The following PDSS2 variants were observed in gnomAD, a reference collection of about 807,000 sequenced individuals.
PDSS2 encodes all trans-polyprenyl-diphosphate synthase PDSS2.
Under a neutral mutation model 44.5 loss-of-function variants are expected in PDSS2, and 31 were observed. That is an observed-to-expected ratio of 0.70 (90% CI 0.52 to 0.94). The LOEUF (loss-of-function observed/expected upper bound fraction) is 0.94, where lower values mean the gene tolerates loss of function less well. PDSS2 is among the 40% of genes least tolerant of loss of function. The pLI is 0.00. For missense variants in PDSS2, 452 were observed against 482.2 expected (o/e 0.94, Z 0.59); for synonymous variants, 157 against 180.3 (o/e 0.87, Z 1.03).
intron 2 of PDSS2, among the ~76,000 whole-genome samples, chr6:107,299,146 C>CAG (rs1554263680): frequency 5.6e-5 from 3 of 53,494 alleles, no homozygotes; most frequent in African/African-American, 8.4e-5. Flanking sequence ...GACCCTGTCT[C>CAG]AAAAAAAAAA....
At chr6:107,349,690 A>G (rs147007897) in intron 1 of PDSS2, among the ~76,000 whole-genome samples, 1,594 of 152,272 alleles carry the variant, frequency 0.01, 26 homozygotes, top group African/African-American at 0.036. Flanking sequence ...AGGAGGTTGT[A>G]GTGAGCCGAG....
At chr6:107,440,740 C>T (rs541630588) in intron 1 of PDSS2, among the ~76,000 whole-genome samples, 9 of 152,092 alleles carry the variant, frequency 5.9e-5, no homozygotes, top group African/African-American at 9.7e-5. Flanking sequence ...GGGATATATC[C>T]GCTACAAAGA....
intron 3 of PDSS2, among the ~76,000 whole-genome samples, chr6:107,263,987 C>G (rs1403730877): frequency 1.3e-5 from 2 of 152,052 alleles, no homozygotes; most frequent in African/African-American, 2.4e-5. Context: ...AAATATTAAC[C>G]TTGGGTGTCA....
intron 2 of PDSS2, among the ~76,000 whole-genome samples, chr6:107,282,087 G>C (rs1400544414): frequency 6.6e-6 from 1 of 152,004 alleles, no homozygotes; most frequent in African/African-American, 2.4e-5. Context: ...TGTATTTTTA[G>C]TAGAGATGGG....
rs183232047 is a variant in PDSS2, at chr6:107,287,987, C to G, written c.432-13760G>C. ...TCCAGCCTGAGCGACAGAGTGAGAT[C>G]CTGTCCTCTAAAGAACAAAAAAACA... is the stretch of plus-strand genomic sequence containing the variant. On this transcript the variant is annotated intron_variant, in intron 2 of 7. Coordinates refer to ENST00000369037, the MANE Select transcript of PDSS2 (RefSeq NM_020381.4). Among the ~76,000 whole-genome samples the G allele has an allele frequency of 2.4e-4, 37 of 152,132 alleles. No individual in the cohort carries two copies. The East Asian group carries it at 6.4e-3, about 26-fold the overall frequency.
In PDSS2 at chr6:107,239,476, C is replaced by A. The variant is rs527278546; in HGVS notation, c.702+6072G>T. Among the ~76,000 whole-genome samples, 486 of 151,994 alleles carry A rather than the reference C, an allele frequency of 3.2e-3. 4 individuals carry two copies. Among genetic ancestry groups the A allele is most frequent in the African/African-American group, 0.011 (470 of 41,458 alleles). On this transcript the variant is annotated intron_variant, in intron 4 of 7. Coordinates refer to ENST00000369037, the MANE Select transcript of PDSS2 (RefSeq NM_020381.4). ...ATATGCAAAGTGTTATATACAGTAA[C>A]AACTCAAAATTGGGAGAAATACAGA...
At position 107,459,007 on chromosome 6, in the gene PDSS2, A is replaced by C; in HGVS notation, c.279T>G (p.Pro93=). The C allele has an allele frequency of 1.2e-6, 2 of 1,614,090 alleles. No homozygotes were observed. Among genetic ancestry groups the C allele is most frequent in the Non-Finnish European group, 1.7e-6 (2 of 1,179,974 alleles). The change falls in exon 1 of 8, where the codon CCT becomes CCG. Residue 93 remains proline, a synonymous_variant. Coordinates refer to ENST00000369037, the MANE Select transcript of PDSS2 (RefSeq NM_020381.4). The surrounding 1 kb of genome is among the most constrained non-coding windows in gnomAD (Gnocchi z 4.3). ...QVRKLVGTQH[P]LLTTARGLVH... is the part of the protein sequence containing the mutation. ...TAGCTCACCTGGCTGTGGTAAGCAG[A>C]GGGTGCTGAGTGCCCACCAGCTTCC...
chr6:107,390,472 CA>C (rs1313419197), intron 1 of PDSS2, among the ~76,000 whole-genome samples: 1 of 151,998 alleles, frequency 6.6e-6, no homozygotes, highest in Non-Finnish European at 1.5e-5. Flanking sequence ...GAAAGACTGA[CA>C]AAGTGTCACA....
intron 7 of PDSS2, among the ~76,000 whole-genome samples, chr6:107,160,772 A>C (rs1178232499): frequency 6.6e-6 from 1 of 152,064 alleles, no homozygotes; most frequent in African/African-American, 2.4e-5. Context: ...TGTCCAGGGA[A>C]TGAAAACAGA....
chr6:107,384,296 T>C (rs958499612), intron 1 of PDSS2, among the ~76,000 whole-genome samples: 5 of 152,096 alleles, frequency 3.3e-5, no homozygotes, highest in Non-Finnish European at 7.4e-5. Flanking sequence ...GGTAGAAATG[T>C]CCTAAAATTA....
At chr6:107,308,387 A>G (rs1776930633) in intron 2 of PDSS2, among the ~76,000 whole-genome samples, 2 of 152,226 alleles carry the variant, frequency 1.3e-5, no homozygotes, top group Admixed American at 1.3e-4. Flanking sequence ...AAGTATAAAA[A>G]GCATTTTTCT....
intron 1 of PDSS2, among the ~76,000 whole-genome samples, chr6:107,344,153 A>G (rs1778166153): frequency 6.6e-6 from 1 of 152,216 alleles, no homozygotes; most frequent in South Asian, 2.1e-4. Context: ...AGATTTAGAC[A>G]CAGGACCAAA....
At chr6:107,248,328 T>C (rs761488057) in intron 3 of PDSS2, among the ~76,000 whole-genome samples, 3 of 152,034 alleles carry the variant, frequency 2.0e-5, no homozygotes, top group Non-Finnish European at 4.4e-5. Flanking sequence ...GCCAGACCTC[T>C]TGGGGCTGAG....
At chr6:107,397,388 G>GA (rs1397356296) in intron 1 of PDSS2, among the ~76,000 whole-genome samples, 1 of 151,964 alleles carries the variant, frequency 6.6e-6, no homozygotes. Context: ...CCCACAGTAA[G>GA]AAAAAAATAC....
chr6:107,355,035 C>A (rs1191812362), intron 1 of PDSS2, among the ~76,000 whole-genome samples: 1 of 151,948 alleles, frequency 6.6e-6, no homozygotes, highest in African/African-American at 2.4e-5. Flanking sequence ...TGGGTTCAAG[C>A]AATTCTCCTG....
chr6:107,269,348 G>GTGTC (rs1342278844), intron 3 of PDSS2, among the ~76,000 whole-genome samples: 1 of 150,434 alleles, frequency 6.6e-6, no homozygotes, highest in Non-Finnish European at 1.5e-5. Flanking sequence ...GTCTGTGTGT[G>GTGTC]TGTGTGTGTG....
chr6:107,296,039 G>A lies in PDSS2; in HGVS notation c.432-21812C>T, dbSNP rs753576110. 3.3e-5 allele frequency among the ~76,000 whole-genome samples: 5 copies of A among 152,270 alleles called. No individual in the cohort carries two copies. The East Asian group carries it at 5.8e-4, about 18-fold the overall frequency. ...TGTCATTTCTAAGCAAAGCTGGGTCGTGGTTCACCTGGTCTCTTTTCTGAC... is the reference window on the plus strand; with the variant it reads ...TGTCATTTCTAAGCAAAGCTGGGTCATGGTTCACCTGGTCTCTTTTCTGAC... On this transcript the variant is annotated intron_variant, in intron 2 of 7. Transcript: ENST00000369037.
At chr6:107,255,918 T>C (rs1172171251) in intron 3 of PDSS2, among the ~76,000 whole-genome samples, 2 of 152,174 alleles carry the variant, frequency 1.3e-5, no homozygotes, top group African/African-American at 4.8e-5. Context: ...TTGGGTACTA[T>C]GGAGTATATT....
At chr6:107,376,370 G>A (rs868289893) in intron 1 of PDSS2, among the ~76,000 whole-genome samples, 33 of 151,912 alleles carry the variant, frequency 2.2e-4, no homozygotes, top group Non-Finnish European at 3.7e-4. Context: ...CCATTTTCAC[G>A]ATATTGATTC....
Sources: gnomAD v4.1 joint callset for allele counts (sites outside exome capture counted in the v4.1 genomes callset) on GRCh38, gnomAD v4.1.1 for gene constraint, Gnocchi (gnomAD v3.1) non-coding constraint, MANE v1.5 for transcripts, NCBI Gene and HGNC (gene_info 2026-07-23, HGNC 2026-07-21) for gene names.